The following ARMC1 variants were observed in gnomAD, a reference collection of about 807,000 sequenced individuals.
ARMC1 encodes armadillo repeat-containing protein 1.
ARMC1 carries 16 observed loss-of-function variants against 31.4 expected under a neutral mutation model. The ratio of observed to expected loss-of-function variants is 0.51; its 90% CI spans 0.34 to 0.77. The LOEUF (loss-of-function observed/expected upper bound fraction) is 0.77. ARMC1 is among the 30% of genes least tolerant of loss of function. The probability of loss-of-function intolerance (pLI) is 0.01; values close to 1 mark genes in which losing one functional copy is unlikely to be tolerated. For missense variants in ARMC1, 259 were observed against 347.5 expected, an observed-to-expected ratio of 0.75 and a Z score of 2.02; for synonymous variants, 114 against 118.9, an observed-to-expected ratio of 0.96 and a Z score of 0.27.
At chr8:65,617,202 T>C (rs1024304189) in intron 3 of ARMC1, among the ~76,000 whole-genome samples, 3 of 152,208 alleles carry the variant, frequency 2.0e-5, no homozygotes, top group African/African-American at 7.2e-5. Flanking sequence ...GGGGAAAAGA[T>C]AGAGAAATCA....
intron 3 of ARMC1, among the ~76,000 whole-genome samples, chr8:65,617,215 T>C (rs906488898): frequency 7.2e-5 from 11 of 152,210 alleles, no homozygotes; most frequent in African/African-American, 2.7e-4. Flanking sequence ...AGAAATCAGA[T>C]TGTTGCTGTG....
intron 1 of ARMC1, among the ~76,000 whole-genome samples, chr8:65,630,652 C>CT (rs2129044593): frequency 6.6e-6 from 1 of 152,248 alleles, no homozygotes; most frequent in African/African-American, 2.4e-5. Context: ...AACTCCGTCT[C>CT]TACTAAAAAT....
chr8:65,610,302 T>C (rs188942555), intron 4 of ARMC1, among the ~76,000 whole-genome samples: 11 of 150,452 alleles, frequency 7.3e-5, no homozygotes, highest in South Asian at 6.5e-4. Context: ...TTTCACCACG[T>C]TGGCCAGGCT....
At chr8:65,629,407 G>C (rs1808586976) in intron 1 of ARMC1, among the ~76,000 whole-genome samples, 1 of 152,154 alleles carries the variant, frequency 6.6e-6, no homozygotes, top group Non-Finnish European at 1.5e-5. Flanking sequence ...TGGCAGATAG[G>C]CAAAATGAGG....
At chr8:65,618,008 C>T (rs1472816935) in intron 3 of ARMC1, among the ~76,000 whole-genome samples, 1 of 152,004 alleles carries the variant, frequency 6.6e-6, no homozygotes, top group African/African-American at 2.4e-5. Context: ...CTCCACCTCC[C>T]GGGTTCAAGC....
chr8:65,612,879 AT>A (rs1443508062), intron 4 of ARMC1, among the ~76,000 whole-genome samples: 1 of 152,158 alleles, frequency 6.6e-6, no homozygotes, highest in African/African-American at 2.4e-5. Flanking sequence ...ATATAAAAAA[AT>A]AAATAAAATA....
At chr8:65,625,548 T>G (rs1372220701) in intron 2 of ARMC1, among the ~76,000 whole-genome samples, 1 of 152,242 alleles carries the variant, frequency 6.6e-6, no homozygotes, top group African/African-American at 2.4e-5. Flanking sequence ...TATTCTAGTC[T>G]ATTTAAAAAT....
intron 4 of ARMC1, among the ~76,000 whole-genome samples, chr8:65,612,052 G>A (rs1808154117): frequency 6.6e-6 from 1 of 152,046 alleles, no homozygotes; most frequent in Non-Finnish European, 1.5e-5. Flanking sequence ...TTACAGGTGT[G>A]AGCCACCGTG....
At chr8:65,610,288 G>A (rs1241674432) in intron 4 of ARMC1, among the ~76,000 whole-genome samples, 2 of 151,732 alleles carry the variant, frequency 1.3e-5, no homozygotes, top group African/African-American at 4.8e-5. Context: ...TAGTAGAGAC[G>A]GGGTTTCACC....
intron 2 of ARMC1, among the ~76,000 whole-genome samples, chr8:65,624,498 C>CAAAAAAAA (rs538324950): frequency 2.1e-5 from 2 of 95,416 alleles, no homozygotes; most frequent in African/African-American, 3.7e-5. Context: ...GACTCCATCT[C>CAAAAAAAA]AAAAAAAAAA....
At chr8:65,615,475 T>A (rs1808229734) in intron 3 of ARMC1, among the ~76,000 whole-genome samples, 1 of 146,416 alleles carries the variant, frequency 6.8e-6, no homozygotes, top group Admixed American at 6.9e-5. Context: ...GAGGCTGAGG[T>A]GGGTGGATCA....
chr8:65,609,031 A>G (rs1808064877), intron 4 of ARMC1, among the ~76,000 whole-genome samples: 1 of 152,284 alleles, frequency 6.6e-6, no homozygotes, highest in South Asian at 2.1e-4. Context: ...AGTTAACATG[A>G]TAGTACAGTA....
intron 4 of ARMC1, among the ~76,000 whole-genome samples, chr8:65,610,301 G>C (rs955493157): frequency 2.0e-5 from 3 of 150,934 alleles, no homozygotes; most frequent in Non-Finnish European, 2.9e-5. Context: ...GTTTCACCAC[G>C]TTGGCCAGGC....
At position 65,604,378 on chromosome 8, in the gene ARMC1, G is replaced by A; in HGVS notation, c.*16C>T. ...CCCCTTGTTGGTTCACACAGTCCTT[G>A]AGCCCAAAAGTGAAGTCACCAATAA... is the stretch of plus-strand genomic sequence containing the variant. On this transcript the variant is annotated 3_prime_UTR_variant, in exon 7 of 7. Transcript: ENST00000276569. The A allele has an allele frequency of 6.2e-7, 1 of 1,610,066 alleles. No individual in the cohort carries two copies. Among genetic ancestry groups the A allele is most frequent in the Non-Finnish European group, 8.5e-7 (1 of 1,177,554 alleles).
At chr8:65,631,160 T>C (rs1808634155) in intron 1 of ARMC1, among the ~76,000 whole-genome samples, 1 of 152,192 alleles carries the variant, frequency 6.6e-6, no homozygotes, top group South Asian at 2.1e-4. Flanking sequence ...CTCCTCACAG[T>C]TAAGACTCAT....
intron 4 of ARMC1, among the ~76,000 whole-genome samples, chr8:65,608,385 G>A (rs1193156958): frequency 6.6e-6 from 1 of 151,962 alleles, no homozygotes; most frequent in South Asian, 2.1e-4. Context: ...AAAAATTAGC[G>A]GGGCGTGGTG....
intron 2 of ARMC1, among the ~76,000 whole-genome samples, chr8:65,625,731 T>C (rs973767682): frequency 6.6e-6 from 1 of 152,086 alleles, no homozygotes; most frequent in Non-Finnish European, 1.5e-5. Flanking sequence ...CTGCTAAACT[T>C]CATTCTGTAA....
At chr8:65,609,617 T>C (rs1808077952) in intron 4 of ARMC1, among the ~76,000 whole-genome samples, 1 of 152,042 alleles carries the variant, frequency 6.6e-6, no homozygotes, top group African/African-American at 2.4e-5. Flanking sequence ...CCCAACACTT[T>C]GGGAGGCCAA....
At chr8:65,625,737 T>C (rs1181460122) in intron 2 of ARMC1, among the ~76,000 whole-genome samples, 1 of 152,128 alleles carries the variant, frequency 6.6e-6, no homozygotes, top group African/African-American at 2.4e-5. Flanking sequence ...AACTTCATTC[T>C]GTAAAGGCAA....
Sources: allele counts gnomAD v4.1 joint callset (sites outside exome capture counted in the v4.1 genomes callset), GRCh38; gene constraint gnomAD v4.1.1; transcripts MANE v1.5; gene names NCBI Gene and HGNC (gene_info 2026-07-23, HGNC 2026-07-21).